Variants in NAAA observed in about 807,000 individuals in gnomAD.
The protein encoded by NAAA is N-acylethanolamine-hydrolyzing acid amidase.
NAAA carries 39 observed loss-of-function variants against 44.8 expected under a neutral mutation model. The ratio of observed to expected loss-of-function variants is 0.87; its 90% CI spans 0.67 to 1.14. The LOEUF (loss-of-function observed/expected upper bound fraction) is 1.14, where lower values mean the gene tolerates loss of function less well. Ranked by LOEUF, NAAA falls within the 50% of genes most tolerant of loss-of-function variation. The probability of loss-of-function intolerance (pLI) is 0.00; values close to 1 mark genes in which losing one functional copy is unlikely to be tolerated. For synonymous variants in NAAA, 178 were observed against 191.3 expected, an observed-to-expected ratio of 0.93 and a Z score of 0.58; for missense variants, 460 against 467.8, an observed-to-expected ratio of 0.98 and a Z score of 0.15.
downstream of NAAA, among the ~76,000 whole-genome samples, chr4:75,910,930 T>C (rs530671730): frequency 3.9e-5 from 6 of 152,336 alleles, no homozygotes; most frequent in African/African-American, 1.4e-4. Flanking sequence ...GGTAGGATTA[T>C]CATTAGTTCT....
downstream of NAAA, among the ~76,000 whole-genome samples, chr4:75,910,825 GAA>G (rs1725299807): frequency 6.6e-6 from 1 of 152,224 alleles, no homozygotes; most frequent in South Asian, 2.1e-4. Flanking sequence ...ACATCTGTGT[GAA>G]GAGACCACCA....
chr4:75,931,168 T>C, intron 4 of NAAA, 46 bp downstream of exon 4: 4 of 1,498,110 alleles, frequency 2.7e-6, no homozygotes, highest in Non-Finnish European at 3.7e-6. Flanking sequence ...TGGATAGAAC[T>C]GAACAATAAT....
intron 4 of NAAA, chr4:75,930,533 A>G: frequency 1.4e-5 from 7 of 515,336 alleles, no homozygotes; most frequent in South Asian, 8.5e-5. Context: ...AGTGCTTTAC[A>G]AATGTGGCTT....
chr4:75,925,855 G>A, intron 4 of NAAA, 44 bp from the exon 5 acceptor site: 10 of 1,488,624 alleles, frequency 6.7e-6, no homozygotes, highest in Non-Finnish European at 9.4e-6. Flanking sequence ...GTGTATATAT[G>A]TACACACATG....
intron 3 of NAAA, 146 bp downstream of exon 3, chr4:75,935,963 C>G (rs1031770038): frequency 3.4e-6 from 3 of 879,522 alleles, no homozygotes; most frequent in Non-Finnish European, 3.5e-6. Flanking sequence ...TGATGCAAAC[C>G]TCTCTTCTGG....
chr4:75,925,121 C>T (rs533238755), intron 5 of NAAA, among the ~76,000 whole-genome samples: 134 of 152,242 alleles, frequency 8.8e-4, no homozygotes, highest in Non-Finnish European at 1.5e-3. Context: ...CCTCCGGCTC[C>T]GCCTCCCGGG....
chr4:75,936,088 C>T (rs1402737585), intron 3 of NAAA, 21 bp downstream of exon 3: 3 of 1,612,620 alleles, frequency 1.9e-6, no homozygotes, highest in South Asian at 1.1e-5. Flanking sequence ...GATTTTTTAT[C>T]TTATATGGTA....
downstream of NAAA, among the ~76,000 whole-genome samples, chr4:75,912,363 A>G (rs1442841202): frequency 1.3e-5 from 2 of 151,888 alleles, no homozygotes; most frequent in East Asian, 1.9e-4. Flanking sequence ...GACCAGCCTG[A>G]CCAACGTGGT....
At chr4:75,935,155 A>T (rs1560518015) in intron 3 of NAAA, 1 of 152,214 alleles carries the variant, frequency 6.6e-6, no homozygotes, top group Admixed American at 6.5e-5. Flanking sequence ...AAGAAATGGG[A>T]CTGGAAAGGA....
chr4:75,934,212 T>C (rs1293239974), intron 3 of NAAA, among the ~76,000 whole-genome samples: 1 of 151,892 alleles, frequency 6.6e-6, no homozygotes, highest in Non-Finnish European at 1.5e-5. Flanking sequence ...AGTCAGTCTC[T>C]GTGAAGCTGG....
At chr4:75,917,177 A>G in intron 9 of NAAA, 1 of 743,538 alleles carries the variant, frequency 1.3e-6, no homozygotes, top group South Asian at 6.1e-5. Context: ...AAAGGGCAAC[A>G]TTGTGCCCCG....
At chr4:75,911,700 T>C (rs1725330644), downstream of NAAA, among the ~76,000 whole-genome samples, 1 of 152,160 alleles carries the variant, frequency 6.6e-6, no homozygotes, top group African/African-American at 2.4e-5. Context: ...TTAGGTGCTA[T>C]AGTAGTGATG....
At position 75,920,704 on chromosome 4, in the gene NAAA, A is replaced by T. The variant is rs1314658548; in HGVS notation, c.902+34T>A. On this transcript the variant is annotated intron_variant, in intron 7 of 10. Transcript: ENST00000286733. ...GGGCATATTCTCCTGACCATAAGAA[A>T]ACACTGCAAACCAGAAAGCACGTAG... 13 of 1,613,702 alleles carry T rather than the reference A, an allele frequency of 8.1e-6. No homozygotes were observed. The Admixed American group carries it at 2.2e-4, about 27-fold the overall frequency.
Position 75,919,888 on chromosome 4 carries a change from GGACACTGT to G in NAAA, c.969+13_969+20del. The G allele has an allele frequency of 6.2e-7, 1 of 1,600,514 alleles. No individual in the cohort carries two copies. Among genetic ancestry groups the G allele is most frequent in the East Asian group, 2.2e-5 (1 of 44,814 alleles). On this transcript the variant is annotated intron_variant, in intron 8 of 10. Transcript: ENST00000286733. Reference sequence around the variant, plus strand: ...AAACACCAAACATCCTAGGTATGCAGGACACTGTGACACAAGTTACCTGGAAAAGTGCC... The same window carrying G: ...AAACACCAAACATCCTAGGTATGCAGGACACAAGTTACCTGGAAAAGTGCC...
chr4:75,931,415 A>C, intron 3 of NAAA, 111 bp from the exon 4 acceptor site: 1 of 741,912 alleles, frequency 1.3e-6, no homozygotes, highest in Non-Finnish European at 2.2e-6. Context: ...TTCCAACACA[A>C]TAGAATAAAA....
At chr4:75,912,736 T>C (rs1031599771), downstream of NAAA, among the ~76,000 whole-genome samples, 2 of 151,660 alleles carry the variant, frequency 1.3e-5, no homozygotes, top group African/African-American at 4.9e-5. Context: ...ATTGCACCAC[T>C]GCACTCCAGT....
chr4:75,932,093 G>T (rs1727281587), intron 3 of NAAA, among the ~76,000 whole-genome samples: 1 of 152,214 alleles, frequency 6.6e-6, no homozygotes, highest in Non-Finnish European at 1.5e-5. Context: ...GCCGGGCGTG[G>T]TGGCACATGC....
chr4:75,939,372 C>T (rs868388526), intron 2 of NAAA, among the ~76,000 whole-genome samples: 6 of 151,294 alleles, frequency 4.0e-5, no homozygotes, highest in Middle Eastern at 6.9e-3. Context: ...TGAGAGGAGG[C>T]TTAGTTTCAA....
chr4:75,915,526 C>T (rs1199918902), intron 9 of NAAA, among the ~76,000 whole-genome samples: 6 of 152,076 alleles, frequency 3.9e-5, no homozygotes, highest in Admixed American at 3.9e-4. Context: ...TGCTCTCTCT[C>T]AGTGGCCATG....
Sources: allele counts gnomAD v4.1 joint callset (sites outside exome capture counted in the v4.1 genomes callset), GRCh38; gene constraint gnomAD v4.1.1; transcripts MANE v1.5; gene names NCBI Gene and HGNC (gene_info 2026-07-23, HGNC 2026-07-21).